The following ZCWPW1 variants were observed in gnomAD, a reference collection of about 807,000 sequenced individuals.
The protein encoded by ZCWPW1 is zinc finger CW-type and PWWP domain containing 1.
In ZCWPW1, 56 loss-of-function variants were observed where a neutral mutation model predicts 81.3. That is an observed-to-expected ratio of 0.69 (90% confidence interval 0.56 to 0.86). The LOEUF is 0.86. ZCWPW1 is among the 40% of genes least tolerant of loss of function. ZCWPW1 has a pLI of 0.00. For synonymous variants in ZCWPW1, 250 were observed against 273.7 expected, an observed-to-expected ratio of 0.91 and a Z score of 0.86; for missense variants, 650 against 769.8, an observed-to-expected ratio of 0.84 and a Z score of 1.84.
At chr7:100,403,636 C>T in intron 15 of ZCWPW1, 58 bp downstream of exon 15, 1 of 1,496,386 alleles carries the variant, frequency 6.7e-7, no homozygotes, top group Non-Finnish European at 9.1e-7. Context: ...CCAGCCTGGG[C>T]AACCTGGTGA....
At chr7:100,420,548 T>C in intron 3 of ZCWPW1, 74 bp downstream of exon 3, 1 of 1,585,384 alleles carries the variant, frequency 6.3e-7, no homozygotes, top group Non-Finnish European at 8.7e-7. Flanking sequence ...GTACCATCCT[T>C]TGGTGGAAAG....
Position 100,419,831 on chromosome 7 carries a change from G to A in ZCWPW1, c.81C>T (p.Tyr27=), listed in dbSNP as rs7783159. The change falls in exon 4 of 18, where the codon TAC becomes TAT. Residue 27 remains tyrosine, a synonymous_variant. Coordinates refer to ENST00000684423, the MANE Select transcript of ZCWPW1 (RefSeq NM_001386010.1). ...AGTTAGGGCTACAAGGTAACAGGCT[G>A]TAAGATTTTTGTGCAGGTGGGGCAA... is the stretch of plus-strand genomic sequence containing the variant. ...RIFAPPAQKS[Y]SLLPCSPNSP... 281,611 of 1,597,980 alleles carry A rather than the reference G, an allele frequency of 0.18. 26,680 individuals carry two copies. The highest frequency in any genetic ancestry group is 0.21 in the Middle Eastern group (1,227 of 5,954).
At chr7:100,417,267 C>T in intron 5 of ZCWPW1, 84 bp from the exon 6 acceptor site, 2 of 1,042,378 alleles carry the variant, frequency 1.9e-6, no homozygotes, top group Non-Finnish European at 1.4e-6. Flanking sequence ...TCTAAAGTGT[C>T]TTCTCCCTGT....
intron 2 of ZCWPW1, among the ~76,000 whole-genome samples, chr7:100,421,777 C>T (rs1166565412): frequency 6.6e-6 from 1 of 152,084 alleles, no homozygotes; most frequent in African/African-American, 2.4e-5. Context: ...ACCGCAACCT[C>T]CGCCTCCCGG....
intron 12 of ZCWPW1, among the ~76,000 whole-genome samples, chr7:100,406,020 T>C (rs767312731): frequency 2.6e-5 from 4 of 152,214 alleles, no homozygotes; most frequent in Non-Finnish European, 5.9e-5. Flanking sequence ...TGATTTCACT[T>C]TGAAGCTTCT....
At chr7:100,410,990 G>A (rs1339600556) in intron 8 of ZCWPW1, among the ~76,000 whole-genome samples, 1 of 152,204 alleles carries the variant, frequency 6.6e-6, no homozygotes, top group Non-Finnish European at 1.5e-5. Flanking sequence ...CAACCAGAAT[G>A]AACCCTCTCC....
In ZCWPW1 at chr7:100,419,257, G is replaced by C. The variant is rs575454294; in HGVS notation, c.283-68C>G. ...ATAGTTTTCCCCTCTGAACAGTCAG[G>C]GAAGCCTCCTTCAGATGAGGCAGTA... On this transcript the variant is annotated intron_variant, in intron 4 of 17. Coordinates refer to ENST00000684423, the MANE Select transcript of ZCWPW1 (RefSeq NM_001386010.1). The C allele has an allele frequency of 1.2e-4, 171 of 1,390,924 alleles. No homozygotes were observed. The East Asian group carries it at 3.9e-3, about 32-fold the overall frequency. 86.2% of individuals were successfully genotyped at this position (1,390,924 alleles called of 1,614,324 possible).
In ZCWPW1 at chr7:100,404,997, C is replaced by T. The variant is rs1792687530; in HGVS notation, c.1254+16G>A. 6.2e-7 allele frequency: 1 copy of T among 1,611,436 alleles called. No homozygotes were observed. The highest frequency in any genetic ancestry group is 1.7e-5 in the Admixed American group (1 of 59,942). The stretch of plus-strand genomic sequence containing the variant: ...GAGTAGGGAAAGGAATGGGTGTGGT[C>T]TGAACACCCTCCCACCTGAATGCTG... On this transcript the variant is annotated intron_variant, in intron 13 of 17. Transcript: ENST00000684423.
chr7:100,402,095 C>T, intron 16 of ZCWPW1, 54 bp from the exon 17 acceptor site: 2 of 1,553,366 alleles, frequency 1.3e-6, no homozygotes, highest in Non-Finnish European at 1.7e-6. Context: ...TCGGCAAGGG[C>T]AGATGGACAC....
At position 100,417,270 on chromosome 7, in the gene ZCWPW1, C is replaced by G. The variant is rs1795453128; in HGVS notation, c.362-87G>C. On this transcript the variant is annotated intron_variant, in intron 5 of 17. Transcript: ENST00000684423. ...CCTAACATTTTCTCTAAAGTGTCTT[C>G]TCCCTGTAGCCTGAAAGAGCCTACC... 1.2e-5 allele frequency: 12 copies of G among 995,186 alleles called. 1 individual carries two copies. In the Middle Eastern group the frequency reaches 1.1e-3, roughly 95 times the overall value. 61.6% of individuals were successfully genotyped at this position (995,186 alleles called of 1,614,324 possible).
chr7:100,401,967 C>T lies in ZCWPW1; in HGVS notation c.1549G>A (p.Gly517Ser), dbSNP rs776911656. ...GCAGGAGGAGCTGTGGATTTCCTGCCTAGAGATCTCTTCATTATCTTCCTC... is the reference window on the plus strand; with the variant it reads ...GCAGGAGGAGCTGTGGATTTCCTGCTTAGAGATCTCTTCATTATCTTCCTC... ...LQRKIMKRSL[G>S]RKSTAPPAPR... Residue 517 changes from glycine (G) to serine (S), a missense_variant, in exon 17 of 18, where the codon GGC becomes AGC. Physicochemically the swap from Gly to Ser is moderately conservative, Grantham distance 56. Transcript: ENST00000684423. The T allele has an allele frequency of 1.2e-6, 2 of 1,614,158 alleles. No individual in the cohort carries two copies. Among genetic ancestry groups the T allele is most frequent in the South Asian group, 1.1e-5 (1 of 91,086 alleles).
intron 2 of ZCWPW1, among the ~76,000 whole-genome samples, chr7:100,424,110 A>G (rs919392668): frequency 3.3e-5 from 5 of 151,974 alleles, no homozygotes; most frequent in African/African-American, 1.2e-4. Flanking sequence ...ATTAGCCTGT[A>G]AAAAGAATAT....
intron 12 of ZCWPW1, 78 bp from the exon 13 acceptor site, chr7:100,405,171 T>A: frequency 7.0e-7 from 1 of 1,419,110 alleles, no homozygotes; most frequent in Non-Finnish European, 9.7e-7. Context: ...GGCTCACACC[T>A]GTAATCCCAG....
At chr7:100,410,684 C>T (rs1242889805) in intron 8 of ZCWPW1, among the ~76,000 whole-genome samples, 1 of 152,200 alleles carries the variant, frequency 6.6e-6, no homozygotes. Flanking sequence ...CCCACTCCTG[C>T]ATGCCCCACC....
intron 8 of ZCWPW1, among the ~76,000 whole-genome samples, chr7:100,412,518 C>T (rs558158166): frequency 3.3e-4 from 51 of 152,302 alleles, no homozygotes; most frequent in African/African-American, 1.2e-3. Context: ...ACCTCCAAAA[C>T]ATACCTTAAA....
intron 8 of ZCWPW1, among the ~76,000 whole-genome samples, chr7:100,412,287 G>A (rs1317072424): frequency 1.3e-5 from 2 of 152,198 alleles, no homozygotes; most frequent in South Asian, 2.1e-4. Flanking sequence ...TTCCTAAGCC[G>A]CCTTGCTCTT....
At chr7:100,419,518 C>A in intron 4 of ZCWPW1, 112 bp downstream of exon 4, 1 of 1,496,176 alleles carries the variant, frequency 6.7e-7, no homozygotes, top group Non-Finnish European at 8.9e-7. Context: ...GAATACAAAC[C>A]TGAAACTCTA....
In ZCWPW1 at chr7:100,402,540, G is replaced by A. The variant is rs1046667014; in HGVS notation, c.1450C>T (p.Gln484Ter). Residue 484 changes from glutamine to a stop codon, truncating the protein, a stop_gained, in exon 16 of 18, where the codon CAG becomes TAG. Coordinates refer to ENST00000684423, the MANE Select transcript of ZCWPW1 (RefSeq NM_001386010.1). LOFTEE classifies it high-confidence loss of function. ...ILPIRKRVKIQTQKTKPRGLG... is the reference protein window; with the variant it reads ...ILPIRKRVKI ...CCTCTTGGCTTGGTTTTTTGGGTCTGTATTTTGACTCGCTTACGAATGGGC... is the reference window on the plus strand; with the variant it reads ...CCTCTTGGCTTGGTTTTTTGGGTCTATATTTTGACTCGCTTACGAATGGGC... 6.2e-7 allele frequency: 1 copy of A among 1,614,082 alleles called. No individual in the cohort carries two copies.
Position 100,428,697 on chromosome 7 carries a change from C to T in ZCWPW1, c.-266G>A, listed in dbSNP as rs1427996740. 1 of 152,314 alleles carries T rather than the reference C, an allele frequency of 6.6e-6. No homozygotes were observed. The highest frequency in any genetic ancestry group is 2.4e-5 in the African/African-American group (1 of 41,456). The allele number at this position is 152,314 out of a possible 1,614,324, so 9.4% of individuals were successfully genotyped here. ...AAACGGCGTAGACTCGCTTCTTCCT[C>T]ATTGGCAGAAGCTGGGGGGGCCCAG... On this transcript the variant is annotated 5_prime_UTR_variant, in exon 1 of 18. It removes an upstream start codon present in the reference 5' UTR. Coordinates refer to ENST00000684423, the MANE Select transcript of ZCWPW1 (RefSeq NM_001386010.1).
Sources: gnomAD v4.1 joint callset for allele counts (sites outside exome capture counted in the v4.1 genomes callset) on GRCh38, gnomAD v4.1.1 for gene constraint, MANE v1.5 for transcripts, NCBI Gene and HGNC (gene_info 2026-07-23, HGNC 2026-07-21) for gene names.